Variants in PKHD1 observed in about 807,000 individuals in gnomAD.
PKHD1 encodes PKHD1 ciliary IPT domain containing fibrocystin/polyductin.
A neutral mutation model predicts 412.0 loss-of-function variants in PKHD1; 291 were observed. The ratio of observed to expected loss-of-function variants is 0.71; its 90% CI spans 0.64 to 0.78. The LOEUF (loss-of-function observed/expected upper bound fraction) is 0.78, where lower values mean the gene tolerates loss of function less well. PKHD1 is among the 30% of genes least tolerant of loss of function. PKHD1 has a pLI of 0.00. For missense variants in PKHD1, 4,825 were observed against 4,950.7 expected (o/e 0.97, Z 0.76); for synonymous variants, 1,777 against 1,821.5 (o/e 0.98, Z 0.62).
At chr6:51,925,420 T>C (rs1161150499) in intron 37 of PKHD1, among the ~76,000 whole-genome samples, 1 of 151,240 alleles carries the variant, frequency 6.6e-6, no homozygotes, top group Non-Finnish European at 1.5e-5. Context: ...CAACTTTAGC[T>C]AAATGTAAAT....
chr6:51,990,828 A>AG (rs1796963469), intron 35 of PKHD1, among the ~76,000 whole-genome samples: 1 of 152,086 alleles, frequency 6.6e-6, no homozygotes. Context: ...GTTGAAAGTT[A>AG]GGCAGACTAC....
intron 52 of PKHD1, among the ~76,000 whole-genome samples, chr6:51,828,766 C>T (rs929387903): frequency 3.3e-5 from 5 of 151,862 alleles, no homozygotes; most frequent in Non-Finnish European, 7.4e-5. Context: ...AGAGACAAAA[C>T]CACAAGCAGA....
chr6:51,989,046 G>A (rs1008047517), intron 35 of PKHD1, among the ~76,000 whole-genome samples: 1 of 152,188 alleles, frequency 6.6e-6, no homozygotes, highest in African/African-American at 2.4e-5. Context: ...TCTTCCCAGA[G>A]TTGCTTTTGG....
intron 21 of PKHD1, among the ~76,000 whole-genome samples, chr6:52,051,888 G>A (rs1806903107): frequency 7.4e-6 from 1 of 135,746 alleles, no homozygotes; most frequent in Admixed American, 7.9e-5. Flanking sequence ...CTTGAGTAGT[G>A]TCATTTTCTA....
In PKHD1 at chr6:52,024,654, T is replaced by C. The variant is rs367589321; in HGVS notation, c.5156A>G (p.Tyr1719Cys). 28 of 1,614,034 alleles carry C rather than the reference T, an allele frequency of 1.7e-5. No individual in the cohort carries two copies. The highest frequency in any genetic ancestry group is 2.2e-5 in the East Asian group (1 of 44,896). Residue 1719 changes from tyrosine to cysteine, a missense_variant, in exon 32 of 67, where the codon TAT becomes TGT. Tyr to Cys is a radical substitution (Grantham distance 194, BLOSUM62 -2). Transcript: ENST00000371117. ...LPAGEYHVRG[Y>C]DCIRGWASSA... ...TGAGGCCCACCCTCTGATGCAGTCA[T>C]AGCCTCTGACGTGGTACTCCCCGGC...
intron 50 of PKHD1, among the ~76,000 whole-genome samples, chr6:51,838,245 TGA>T (rs757104800): frequency 1.3e-5 from 2 of 152,226 alleles, no homozygotes; most frequent in African/African-American, 2.4e-5. Context: ...TTCAAATTTT[TGA>T]GAGAGAGATT....
chr6:52,001,066 T>C (rs1798318928), intron 35 of PKHD1, among the ~76,000 whole-genome samples: 1 of 152,200 alleles, frequency 6.6e-6, no homozygotes, highest in African/African-American at 2.4e-5. Flanking sequence ...AATATCATAT[T>C]TAATGGGAAA....
At chr6:51,974,801 C>G (rs1794153281) in intron 35 of PKHD1, among the ~76,000 whole-genome samples, 1 of 152,036 alleles carries the variant, frequency 6.6e-6, no homozygotes, top group Non-Finnish European at 1.5e-5. Flanking sequence ...GAAATCACCA[C>G]TAAATAATTT....
intron 6 of PKHD1, among the ~76,000 whole-genome samples, chr6:52,074,380 A>T (rs543342383): frequency 3.9e-5 from 6 of 152,340 alleles, no homozygotes; most frequent in African/African-American, 1.4e-4. Flanking sequence ...TTATAGGTGC[A>T]TGGGTAGAAT....
At chr6:51,733,919 AG>A (rs1783528149) in intron 60 of PKHD1, among the ~76,000 whole-genome samples, 2 of 152,222 alleles carry the variant, frequency 1.3e-5, no homozygotes, top group African/African-American at 4.8e-5. Context: ...GGAAAATGAA[AG>A]GTAAAGGGCA....
chr6:52,018,298 GGTACAA>G (rs1325737103), intron 33 of PKHD1, among the ~76,000 whole-genome samples: 3 of 151,974 alleles, frequency 2.0e-5, no homozygotes, highest in Non-Finnish European at 4.4e-5. Flanking sequence ...TCAAAGAGTA[GGTACAA>G]GTTCAGCTTT....
intron 23 of PKHD1, among the ~76,000 whole-genome samples, chr6:52,047,456 T>C (rs766800345): frequency 3.3e-5 from 5 of 152,204 alleles, no homozygotes; most frequent in Non-Finnish European, 7.3e-5. Flanking sequence ...CAAGTTCTAC[T>C]GAGCCTTGCT....
chr6:51,755,782 C>G, intron 55 of PKHD1, among the ~76,000 whole-genome samples: 1 of 152,128 alleles, frequency 6.6e-6, no homozygotes, highest in South Asian at 2.1e-4. Context: ...CAACAGTGTC[C>G]ATGTGCAGGG....
chr6:52,016,614 C>T (rs1325334230), intron 34 of PKHD1, among the ~76,000 whole-genome samples: 4 of 132,614 alleles, frequency 3.0e-5, no homozygotes, highest in East Asian at 2.2e-4. Flanking sequence ...CCAGCCTTGG[C>T]GACAGAACAA....
chr6:51,805,646 T>G (rs1205398841), intron 52 of PKHD1, among the ~76,000 whole-genome samples: 1 of 152,130 alleles, frequency 6.6e-6, no homozygotes, highest in Non-Finnish European at 1.5e-5. Flanking sequence ...AGAGAGCAGA[T>G]TAGGAAGACT....
chr6:52,015,155 T>C (rs568966450), intron 34 of PKHD1, among the ~76,000 whole-genome samples: 1 of 152,330 alleles, frequency 6.6e-6, no homozygotes, highest in East Asian at 1.9e-4. Flanking sequence ...TTATAAATAT[T>C]TCCCTGTCTG....
chr6:51,616,514 C>G lies in PKHD1; in HGVS notation c.*2567G>C, dbSNP rs574959312. ...GCTGCTCTCTTTGCTTTTGGTGTTTCCCTAATTCTCTCATTTTTTTTTTTT... is the reference window on the plus strand; with the variant it reads ...GCTGCTCTCTTTGCTTTTGGTGTTTGCCTAATTCTCTCATTTTTTTTTTTT... On this transcript the variant is annotated 3_prime_UTR_variant, in exon 67 of 67. Coordinates refer to ENST00000371117, the MANE Select transcript of PKHD1 (RefSeq NM_138694.4). 7.9e-5 allele frequency: 31 copies of G among 392,670 alleles called. No individual in the cohort carries two copies. The highest frequency in any genetic ancestry group is 1.2e-4 in the Non-Finnish European group (27 of 223,116). The allele number at this position is 392,670 out of a possible 1,614,324, so 24.3% of individuals were successfully genotyped here.
chr6:51,785,121 T>C (rs926837376), intron 53 of PKHD1, among the ~76,000 whole-genome samples: 5 of 152,146 alleles, frequency 3.3e-5, no homozygotes, highest in Non-Finnish European at 7.4e-5. Flanking sequence ...AAAGAATGCC[T>C]GAAACTGAGT....
chr6:51,976,944 T>TTAAAAA (rs375683749), intron 35 of PKHD1, among the ~76,000 whole-genome samples: 2 of 93,526 alleles, frequency 2.1e-5, no homozygotes, highest in African/African-American at 4.6e-5. Context: ...TGAGACTCCA[T>TTAAAAA]AAAAAAAAAA....
Sources: gnomAD v4.1 joint callset for allele counts (sites outside exome capture counted in the v4.1 genomes callset) on GRCh38, gnomAD v4.1.1 for gene constraint, MANE v1.5 for transcripts, NCBI Gene and HGNC (gene_info 2026-07-23, HGNC 2026-07-21) for gene names.